Variants in MYO1D observed in about 807,000 individuals in gnomAD.
MYO1D encodes myosin ID.
Under a neutral mutation model 122.0 loss-of-function variants are expected in MYO1D, and 83 were observed. That is an observed-to-expected ratio of 0.68 (90% CI 0.57 to 0.82). The LOEUF is 0.82. MYO1D is among the 40% of genes least tolerant of loss of function. The pLI is 0.00. For synonymous variants in MYO1D, 464 were observed against 446.9 expected (o/e 1.04, Z -0.48); for missense variants, 1,157 against 1,269.5 (o/e 0.91, Z 1.35).
intron 13 of MYO1D, among the ~76,000 whole-genome samples, chr17:32,741,362 T>C (rs1598056056): frequency 6.6e-6 from 1 of 151,692 alleles, no homozygotes; most frequent in Admixed American, 6.6e-5. Flanking sequence ...TCCAATACCA[T>C]CTAGGAGGAT....
intron 21 of MYO1D, among the ~76,000 whole-genome samples, chr17:32,521,955 G>A (rs984538523): frequency 2.6e-5 from 4 of 151,974 alleles, no homozygotes; most frequent in East Asian, 1.9e-4. Context: ...AGTGGCAGGC[G>A]CCTGTAATCC....
chr17:32,654,579 G>C lies in MYO1D; in HGVS notation c.2388C>G (p.Asp796Glu). The change falls in exon 18 of 22, where the codon GAC becomes GAG. Residue 796 changes from aspartate (D) to glutamate (E), a missense_variant. Transcript: ENST00000318217. ...CAACCTTTGCCCTGACCTGGGGCAG[G>C]TCTGAGGCCGGAATGCTCTTGATGA... Reference protein sequence around the residue: ...SQLIKSIPASDLPQVRAKVAA... With the variant: ...SQLIKSIPASELPQVRAKVAA... 6 of 1,613,754 alleles carry C rather than the reference G, an allele frequency of 3.7e-6. No individual in the cohort carries two copies. The highest frequency in any genetic ancestry group is 5.1e-6 in the Non-Finnish European group (6 of 1,179,834).
intron 1 of MYO1D, among the ~76,000 whole-genome samples, chr17:32,835,276 C>T (rs996543533): frequency 1.2e-4 from 18 of 151,962 alleles, no homozygotes; most frequent in South Asian, 8.3e-4. Flanking sequence ...AAATGTTACC[C>T]CTTCTGTGAA....
chr17:32,647,114 G>A (rs2088306354), intron 19 of MYO1D, among the ~76,000 whole-genome samples: 1 of 152,176 alleles, frequency 6.6e-6, no homozygotes, highest in Non-Finnish European at 1.5e-5. Flanking sequence ...GGTTTAGTCA[G>A]TACCACAGGG....
chr17:32,654,450 G>A (rs1401083543), intron 18 of MYO1D, 27 bp downstream of exon 18: 2 of 1,573,060 alleles, frequency 1.3e-6, no homozygotes, highest in Non-Finnish European at 1.7e-6. Flanking sequence ...AGTAGAAGTA[G>A]ATTTCACTTT....
intron 21 of MYO1D, among the ~76,000 whole-genome samples, chr17:32,565,560 G>A (rs396353): frequency 0.4 from 60,722 of 151,962 alleles, 12,262 homozygotes; most frequent in East Asian, 0.54. Context: ...CATATGGCCG[G>A]TGACATAATT....
At position 32,657,625 on chromosome 17, in the gene MYO1D, T is replaced by A. The variant is rs943004021; in HGVS notation, c.2345+1490A>T. ...ATACAGAACAAATGTAGCAGACCTG[T>A]TAGTTTCAAATGCCATTGATTATAA... On this transcript the variant is annotated intron_variant, in intron 17 of 21. Coordinates refer to ENST00000318217, the MANE Select transcript of MYO1D (RefSeq NM_015194.3). 1.4e-4 allele frequency among the ~76,000 whole-genome samples: 22 copies of A among 152,376 alleles called. 1 individual carries two copies. Among genetic ancestry groups the A allele is most frequent in the African/African-American group, 5.3e-4 (22 of 41,588 alleles).
chr17:32,583,376 G>A (rs2087358962), intron 21 of MYO1D, among the ~76,000 whole-genome samples: 1 of 151,804 alleles, frequency 6.6e-6, no homozygotes, highest in South Asian at 2.1e-4. Context: ...TTGTGCCTAG[G>A]GTTCATTGAA....
At chr17:32,696,189 C>T (rs2089169891) in intron 16 of MYO1D, among the ~76,000 whole-genome samples, 1 of 151,888 alleles carries the variant, frequency 6.6e-6, no homozygotes, top group South Asian at 2.1e-4. Context: ...TATTCACTTG[C>T]AGACAAGAGA....
intron 21 of MYO1D, among the ~76,000 whole-genome samples, chr17:32,590,462 T>G (rs1220798817): frequency 6.6e-6 from 1 of 152,202 alleles, no homozygotes; most frequent in Non-Finnish European, 1.5e-5. Flanking sequence ...CCAGGCAGTA[T>G]AATGTACATG....
chr17:32,843,375 C>T (rs1352607421), intron 1 of MYO1D, among the ~76,000 whole-genome samples: 1 of 152,120 alleles, frequency 6.6e-6, no homozygotes, highest in Non-Finnish European at 1.5e-5. Context: ...AAAGAACAAA[C>T]TCCGACGACT....
chr17:32,499,793 T>C (rs1333141629), intron 21 of MYO1D, among the ~76,000 whole-genome samples: 1 of 147,274 alleles, frequency 6.8e-6, no homozygotes, highest in African/African-American at 2.7e-5. Context: ...TTACTGTCTC[T>C]ACAAAAAAAA....
At chr17:32,616,619 T>C (rs55919928) in intron 20 of MYO1D, among the ~76,000 whole-genome samples, 88,301 of 151,746 alleles carry the variant, frequency 0.58, 26,464 homozygotes, top group African/African-American at 0.72. Context: ...AGTGGTTGGC[T>C]GGTAAGTGCA....
intron 21 of MYO1D, among the ~76,000 whole-genome samples, chr17:32,561,676 GA>G (rs1391421828): frequency 8.2e-5 from 11 of 134,320 alleles, no homozygotes; most frequent in African/African-American, 3.3e-4. Flanking sequence ...GAGACAGAGG[GA>G]GGCTCTGTCT....
intron 17 of MYO1D, among the ~76,000 whole-genome samples, chr17:32,657,385 C>T (rs748478380): frequency 8.5e-5 from 13 of 152,210 alleles, no homozygotes; most frequent in Non-Finnish European, 1.5e-4. Flanking sequence ...GTACTGCCCA[C>T]AAGCTAAGAA....
At chr17:32,841,954 G>A (rs2090886919) in intron 1 of MYO1D, among the ~76,000 whole-genome samples, 1 of 149,162 alleles carries the variant, frequency 6.7e-6, no homozygotes, top group African/African-American at 2.4e-5. Context: ...CACAAAATAA[G>A]AGAGAGAGAG....
At chr17:32,874,423 G>A (rs527697721) in intron 1 of MYO1D, among the ~76,000 whole-genome samples, 1 of 152,070 alleles carries the variant, frequency 6.6e-6, no homozygotes. Flanking sequence ...GCTCACGGCA[G>A]CTTTGAACTC....
intron 1 of MYO1D, among the ~76,000 whole-genome samples, chr17:32,809,226 A>C (rs1194815803): frequency 6.6e-6 from 1 of 151,198 alleles, no homozygotes; most frequent in East Asian, 2.0e-4. Context: ...TCAAGCAATC[A>C]TCCCACCTCA....
At chr17:32,596,209 T>C (rs2087490686) in intron 21 of MYO1D, among the ~76,000 whole-genome samples, 1 of 152,236 alleles carries the variant, frequency 6.6e-6, no homozygotes, top group African/African-American at 2.4e-5. Flanking sequence ...GGCATACCTT[T>C]ATTTTGCTTA....
Sources: gnomAD v4.1 joint callset for allele counts (sites outside exome capture counted in the v4.1 genomes callset) on GRCh38, gnomAD v4.1.1 for gene constraint, MANE v1.5 for transcripts, NCBI Gene and HGNC (gene_info 2026-07-23, HGNC 2026-07-21) for gene names.